Variants in SLC25A25 observed in about 807,000 individuals in gnomAD.
SLC25A25 encodes solute carrier family 25 member 25.
In SLC25A25, 32 loss-of-function variants were observed where a neutral mutation model predicts 57.7. The ratio of observed to expected loss-of-function variants is 0.55; its 90% confidence interval spans 0.42 to 0.74. SLC25A25 has a LOEUF of 0.74. SLC25A25 is among the 30% of genes least tolerant of loss of function. SLC25A25 has a pLI of 0.00. For synonymous variants in SLC25A25, 306 were observed against 291.2 expected (o/e 1.05, Z -0.52); for missense variants, 556 against 701.3 (o/e 0.79, Z 2.34).
At chr9:128,091,366 G>A in intron 1 of SLC25A25, 1 of 906,374 alleles carries the variant, frequency 1.1e-6, no homozygotes, top group Middle Eastern at 5.6e-4. Context: ...GGTGCTGGTA[G>A]GGATAATGAA....
rs1457724779 is a variant in SLC25A25, at chr9:128,102,114, T to C, written c.511T>C (p.Tyr171His). 4 of 1,550,510 alleles carry C rather than the reference T, an allele frequency of 2.6e-6. No individual in the cohort carries two copies. The highest frequency in any genetic ancestry group is 1.7e-6 in the Non-Finnish European group (2 of 1,146,990). The change falls in exon 4 of 11, where the codon TAC becomes CAC. Residue 171 changes from tyrosine to histidine, a missense_variant and splice_region_variant. Coordinates refer to ENST00000373069, the MANE Select transcript of SLC25A25 (RefSeq NM_001330988.2). The surrounding 1 kb of genome is among the most constrained non-coding windows in gnomAD (Gnocchi z 4.1). ...RTGHFWGPVT[Y>H]MDKNGTMTID... ...GGGCCATTTCTGGGGCCCTGTCACC[T>C]AGTAAGTATCCATGTCGCTCATGAC... is the stretch of plus-strand genomic sequence containing the variant.
Position 128,101,447 on chromosome 9 carries a change from G to A in SLC25A25, c.476+51G>A. The A allele has an allele frequency of 6.3e-7, 1 of 1,584,754 alleles. No homozygotes were observed. Reference sequence around the variant, plus strand: ...TTGGTTTAAGTGTGATGAAGGGAAGGCTCTGAGACTAACCCTCCGATGCCA... The same window carrying A: ...TTGGTTTAAGTGTGATGAAGGGAAGACTCTGAGACTAACCCTCCGATGCCA... On this transcript the variant is annotated intron_variant, in intron 3 of 10. Transcript: ENST00000373069. This position sits in a 1 kb window ranked among gnomAD's most constrained non-coding sequence, Gnocchi z 4.9.
In SLC25A25 at chr9:128,108,837, GGAGA is replaced by G. The variant is rs891037187; in HGVS notation, c.*1399_*1402del. ...GATTTCAGGGTTTGACTGGGGGCGT[GGAGA>G]GAGAGGGAGGAACCTCAATAACCTT... On this transcript the variant is annotated 3_prime_UTR_variant, in exon 11 of 11. Coordinates refer to ENST00000373069, the MANE Select transcript of SLC25A25 (RefSeq NM_001330988.2). The G allele has an allele frequency of 3.9e-5, 6 of 152,212 alleles. No individual in the cohort carries two copies. The highest frequency in any genetic ancestry group is 1.2e-4 in the African/African-American group (5 of 41,444). The allele number at this position is 152,212 out of a possible 1,614,324, so 9.4% of individuals were successfully genotyped here.
At chr9:128,078,227 C>G (rs1006218073) in intron 1 of SLC25A25, among the ~76,000 whole-genome samples, 1 of 152,152 alleles carries the variant, frequency 6.6e-6, no homozygotes, top group Non-Finnish European at 1.5e-5. Flanking sequence ...GAGCCCAGGA[C>G]TGGGTCTGGC....
chr9:128,089,938 T>C (rs939044091), intron 1 of SLC25A25, among the ~76,000 whole-genome samples: 3 of 152,152 alleles, frequency 2.0e-5, no homozygotes, highest in African/African-American at 7.2e-5. Flanking sequence ...CTCGGCCTTC[T>C]TTTTCAATGA....
intron 1 of SLC25A25, among the ~76,000 whole-genome samples, chr9:128,076,380 C>T (rs1027307070): frequency 5.7e-4 from 87 of 152,196 alleles, no homozygotes; most frequent in Non-Finnish European, 1.0e-3. Context: ...ATCCTCTCGC[C>T]TTGGCCTCCC....
intron 1 of SLC25A25, chr9:128,091,577 G>T: frequency 1.9e-6 from 2 of 1,064,202 alleles, no homozygotes; most frequent in Non-Finnish European, 2.3e-6. Flanking sequence ...AAAGCCAAAC[G>T]TTTGCTCACC....
At chr9:128,106,327 C>T (rs1403247313) in intron 8 of SLC25A25, 26 bp from the exon 9 acceptor site, 6 of 1,613,586 alleles carry the variant, frequency 3.7e-6, no homozygotes, top group African/African-American at 1.3e-5. Context: ...GCTGTGCTCA[C>T]GCGTCCCGCT....
At chr9:128,075,446 G>T (rs1176568151) in intron 1 of SLC25A25, among the ~76,000 whole-genome samples, 3 of 152,104 alleles carry the variant, frequency 2.0e-5, no homozygotes, top group African/African-American at 7.2e-5. Flanking sequence ...ACTTTGGGAG[G>T]CCAAGATGGG....
chr9:128,079,906 G>A (rs915133058), intron 1 of SLC25A25, among the ~76,000 whole-genome samples: 4 of 151,982 alleles, frequency 2.6e-5, no homozygotes, highest in African/African-American at 4.8e-5. Flanking sequence ...CAGGAGAATC[G>A]CTTGAACCTG....
chr9:128,076,183 G>A (rs953067048), intron 1 of SLC25A25, among the ~76,000 whole-genome samples: 1 of 152,098 alleles, frequency 6.6e-6, no homozygotes, highest in Non-Finnish European at 1.5e-5. Context: ...CCAGGCTGGC[G>A]TTCAGTGGTT....
chr9:128,088,106 A>C (rs1387035880), intron 1 of SLC25A25, among the ~76,000 whole-genome samples: 2 of 152,110 alleles, frequency 1.3e-5, no homozygotes, highest in African/African-American at 4.8e-5. Context: ...GCTGGTTATT[A>C]GTGTATTCCT....
intron 1 of SLC25A25, among the ~76,000 whole-genome samples, chr9:128,077,324 G>A (rs965984522): frequency 6.6e-6 from 1 of 151,056 alleles, no homozygotes; most frequent in Non-Finnish European, 1.5e-5. Flanking sequence ...TCAGGGGATC[G>A]ATACCACGGT....
Position 128,101,552 on chromosome 9 carries a change from C to T in SLC25A25, c.476+156C>T, listed in dbSNP as rs1426924785. ...TAACCCCTGTGGGAGGCCAGCCCCT[C>T]CCCAGGGTTGCAGGCCTGCTTTCAT... On this transcript the variant is annotated intron_variant, in intron 3 of 10. Coordinates refer to ENST00000373069, the MANE Select transcript of SLC25A25 (RefSeq NM_001330988.2). This position sits in a 1 kb window ranked among gnomAD's most constrained non-coding sequence, Gnocchi z 4.9. Among the ~76,000 whole-genome samples, 1 of 152,252 alleles carries T rather than the reference C, an allele frequency of 6.6e-6. No individual in the cohort carries two copies. The highest frequency in any genetic ancestry group is 1.5e-5 in the Non-Finnish European group (1 of 68,046).
chr9:128,091,561 TAA>T, intron 1 of SLC25A25: 17 of 958,738 alleles, frequency 1.8e-5, no homozygotes, highest in Non-Finnish European at 2.0e-5. Context: ...TTTTTTTTTT[TAA>T]AAAAAAGCCA....
In SLC25A25 at chr9:128,107,399, G is replaced by A; in HGVS notation, c.1503G>A (p.Val501=). 1 of 1,510,330 alleles carries A rather than the reference G, an allele frequency of 6.6e-7. No individual in the cohort carries two copies. 93.6% of individuals were successfully genotyped at this position (1,510,330 alleles called of 1,614,324 possible). Residue 501 remains valine (V), a synonymous_variant, in exon 11 of 11, where the codon GTG becomes GTA. Transcript: ENST00000373069. ...KVIPAVSISY[V]VYENLKITLG... is the part of the protein sequence containing the mutation. ...TCCCAGCTGTGAGCATCAGCTACGT[G>A]GTCTACGAGAACCTGAAGATCACCC...
intron 1 of SLC25A25, among the ~76,000 whole-genome samples, chr9:128,070,029 T>C (rs562135091): frequency 3.3e-3 from 424 of 127,214 alleles, no homozygotes; most frequent in African/African-American, 0.013. Flanking sequence ...GCCATTCTCC[T>C]GCCTCAGCCT....
At chr9:128,072,375 C>CT (rs1832925592) in intron 1 of SLC25A25, among the ~76,000 whole-genome samples, 2 of 152,164 alleles carry the variant, frequency 1.3e-5, no homozygotes. Context: ...ACACATCAAA[C>CT]TTTGGAAGGT....
Position 128,107,601 on chromosome 9 carries a change from G to A in SLC25A25, c.*157G>A. On this transcript the variant is annotated 3_prime_UTR_variant, in exon 11 of 11. Coordinates refer to ENST00000373069, the MANE Select transcript of SLC25A25 (RefSeq NM_001330988.2). ...GCAGGGAGGGTGGGGAGAGCTGGCAGGCCCAGGGCTTGTCCTGCTGACCCC... is the reference window on the plus strand; with the variant it reads ...GCAGGGAGGGTGGGGAGAGCTGGCAAGCCCAGGGCTTGTCCTGCTGACCCC... 5.9e-6 allele frequency: 5 copies of A among 845,980 alleles called. No individual in the cohort carries two copies. The highest frequency in any genetic ancestry group is 2.8e-5 in the South Asian group (1 of 36,056). 52.4% of individuals were successfully genotyped at this position (845,980 alleles called of 1,614,324 possible).
Sources: allele counts gnomAD v4.1 joint callset (sites outside exome capture counted in the v4.1 genomes callset), GRCh38; gene constraint gnomAD v4.1.1; non-coding constraint Gnocchi (gnomAD v3.1); transcripts MANE v1.5; gene names NCBI Gene and HGNC (gene_info 2026-07-23, HGNC 2026-07-21).